Variants in CD1B observed in about 807,000 individuals in gnomAD.
The protein encoded by CD1B is CD1b molecule.
A neutral mutation model predicts 39.8 loss-of-function variants in CD1B; 43 were observed. That is an observed-to-expected ratio of 1.08 (90% confidence interval 0.85 to 1.39). CD1B has a LOEUF of 1.39. Among genes scored for constraint, CD1B ranks in the 40% most tolerant of loss-of-function variants. The pLI is 0.00. For missense variants in CD1B, 495 were observed against 403.8 expected (o/e 1.23, Z -1.94); for synonymous variants, 192 against 152.5 (o/e 1.26, Z -1.91).
the CD1B span, among the ~76,000 whole-genome samples, chr1:158,315,644 A>G: frequency 6.6e-6 from 1 of 151,448 alleles, no homozygotes. Flanking sequence ...TTTGCTGTGC[A>G]GAAGCTCTTT....
downstream of CD1B, among the ~76,000 whole-genome samples, chr1:158,327,377 G>C (rs1557819839): frequency 6.6e-6 from 1 of 152,122 alleles, no homozygotes; most frequent in Non-Finnish European, 1.5e-5. Context: ...AGTAAGCCAA[G>C]GGTGGTTTTC....
At chr1:158,302,947 T>C in the CD1B span, among the ~76,000 whole-genome samples, 2 of 152,128 alleles carry the variant, frequency 1.3e-5, no homozygotes, top group African/African-American at 4.8e-5. Flanking sequence ...ATAAGTATCA[T>C]TGTGATACCA....
the CD1B span, among the ~76,000 whole-genome samples, chr1:158,295,642 G>A: frequency 6.6e-6 from 1 of 152,158 alleles, no homozygotes; most frequent in South Asian, 2.1e-4. Flanking sequence ...GACAGAATAG[G>A]GCTACCATGA....
the CD1B span, among the ~76,000 whole-genome samples, chr1:158,318,215 C>A: frequency 6.6e-6 from 1 of 152,226 alleles, no homozygotes; most frequent in Middle Eastern, 3.4e-3. Flanking sequence ...TCCTGGGTAT[C>A]CTTGTTGACT....
At chr1:158,286,714 A>T in the CD1B span, among the ~76,000 whole-genome samples, 12 of 152,276 alleles carry the variant, frequency 7.9e-5, no homozygotes, top group South Asian at 2.5e-3. Flanking sequence ...GGAGCAAAGG[A>T]GAGGGAAGTT....
At chr1:158,324,707 A>G (rs1001083188), downstream of CD1B, among the ~76,000 whole-genome samples, 2 of 152,142 alleles carry the variant, frequency 1.3e-5, no homozygotes, top group African/African-American at 4.8e-5. Context: ...ACTAGGATTA[A>G]CCCAGTAATT....
chr1:158,329,448 C>T lies in CD1B; in HGVS notation c.808G>A (p.Ala270Thr). ...GACAGGCCAGCCGCCTCCCCATCTG[C>T]CACATCCAGGGTTGCTCGGAGATAC... ...TWYLRATLDV[A>T]DGEAAGLSCR... is the part of the protein sequence containing the mutation. The change falls in exon 4 of 6, where the codon GCA becomes ACA. Residue 270 changes from alanine (A) to threonine (T), a missense_variant. Transcript: ENST00000368168. The T allele has an allele frequency of 2.5e-6, 4 of 1,614,214 alleles. No individual in the cohort carries two copies. The highest frequency in any genetic ancestry group is 3.4e-6 in the Non-Finnish European group (4 of 1,180,034).
chr1:158,315,389 G>A, the CD1B span, among the ~76,000 whole-genome samples: 1 of 151,726 alleles, frequency 6.6e-6, no homozygotes, highest in Non-Finnish European at 1.5e-5. Flanking sequence ...GTTTTGATTT[G>A]CATTTCTCTG....
At chr1:158,308,907 G>A in the CD1B span, among the ~76,000 whole-genome samples, 2 of 152,146 alleles carry the variant, frequency 1.3e-5, no homozygotes, top group South Asian at 2.1e-4. Flanking sequence ...ATACCATTCA[G>A]GACATAGGCA....
chr1:158,324,672 G>A (rs1310146935), downstream of CD1B, among the ~76,000 whole-genome samples: 2 of 151,784 alleles, frequency 1.3e-5, no homozygotes, highest in East Asian at 1.9e-4. Flanking sequence ...TTTTTTTTAG[G>A]TTTTCCCCCT....
the CD1B span, among the ~76,000 whole-genome samples, chr1:158,317,969 G>A: frequency 9.9e-5 from 15 of 152,118 alleles, no homozygotes; most frequent in Admixed American, 5.9e-4. Context: ...GTAGTTGTGC[G>A]GTTTTGAGTG....
At chr1:158,298,904 A>G in the CD1B span, among the ~76,000 whole-genome samples, 4 of 152,148 alleles carry the variant, frequency 2.6e-5, no homozygotes, top group African/African-American at 4.8e-5. Flanking sequence ...ATCAGTTTAA[A>G]GAGATTTTGG....
the CD1B span, among the ~76,000 whole-genome samples, chr1:158,308,573 T>C: frequency 6.6e-5 from 10 of 152,124 alleles, no homozygotes; most frequent in Non-Finnish European, 1.0e-4. Flanking sequence ...CTACCTGACT[T>C]CAAACTATAC....
the CD1B span, among the ~76,000 whole-genome samples, chr1:158,308,710 G>T: frequency 6.6e-6 from 1 of 152,170 alleles, no homozygotes; most frequent in African/African-American, 2.4e-5. Flanking sequence ...TGACAAAGCT[G>T]ACAAAAACCA....
the CD1B span, among the ~76,000 whole-genome samples, chr1:158,315,464 A>T: frequency 6.9e-4 from 105 of 151,982 alleles, no homozygotes; most frequent in South Asian, 0.021. Flanking sequence ...TCTTTTGAGA[A>T]GTGTCTGTTC....
At chr1:158,297,062 A>T in the CD1B span, among the ~76,000 whole-genome samples, 1 of 152,160 alleles carries the variant, frequency 6.6e-6, no homozygotes, top group African/African-American at 2.4e-5. Flanking sequence ...TCTCAACTTC[A>T]CTATAGAGGT....
chr1:158,299,207 G>GTGTATTTTAGTATCTA, the CD1B span, among the ~76,000 whole-genome samples: 3 of 152,002 alleles, frequency 2.0e-5, no homozygotes, highest in Non-Finnish European at 4.4e-5. Context: ...TAGTGTATTG[G>GTGTATTTTAGTATCTA]GAGTTTTTTA....
chr1:158,316,578 A>C, the CD1B span, among the ~76,000 whole-genome samples: 4 of 151,774 alleles, frequency 2.6e-5, no homozygotes, highest in Non-Finnish European at 5.9e-5. Flanking sequence ...GGGGTTTTCT[A>C]GATATACAAT....
At chr1:158,320,168 A>T in the CD1B span, among the ~76,000 whole-genome samples, 1 of 152,146 alleles carries the variant, frequency 6.6e-6, no homozygotes, top group East Asian at 1.9e-4. Flanking sequence ...GGCCTCCTTG[A>T]GCTGTGGTGG....
Sources: allele counts gnomAD v4.1 joint callset (sites outside exome capture counted in the v4.1 genomes callset), GRCh38; gene constraint gnomAD v4.1.1; transcripts MANE v1.5; gene names NCBI Gene and HGNC (gene_info 2026-07-23, HGNC 2026-07-21).